Variants in TFEC observed in about 807,000 individuals in gnomAD.
The protein encoded by TFEC is transcription factor EC, also known as class E basic helix-loop-helix protein 34.
TFEC carries 31 observed loss-of-function variants against 41.6 expected under a neutral mutation model. The observed-to-expected ratio is 0.74, with a 90% CI of 0.56 to 1.01. The LOEUF (loss-of-function observed/expected upper bound fraction) is 1.01. Among genes scored for constraint, TFEC ranks in the 50% least tolerant of loss-of-function variants. The pLI is 0.00. For synonymous variants in TFEC, 143 were observed against 140.6 expected (o/e 1.02, Z -0.12); for missense variants, 402 against 404.1 (o/e 0.99, Z 0.04).
intron 2 of TFEC, among the ~76,000 whole-genome samples, 172 bp from the exon 3 acceptor site, chr7:115,974,428 A>G (rs1489737622): frequency 3.8e-5 from 2 of 52,902 alleles, no homozygotes; most frequent in African/African-American, 6.9e-5. Context: ...ATATATATAT[A>G]TATATATATA....
chr7:116,056,143 G>C (rs1796424490), intron 3 of TFEC, among the ~76,000 whole-genome samples: 1 of 151,946 alleles, frequency 6.6e-6, no homozygotes, highest in South Asian at 2.1e-4. Flanking sequence ...CAAGAGACTA[G>C]ACATCATCAA....
chr7:115,986,737 C>T (rs1793874097), intron 1 of TFEC, among the ~76,000 whole-genome samples: 1 of 121,680 alleles, frequency 8.2e-6, no homozygotes, highest in Admixed American at 1.1e-4. Context: ...TGAAGGGGAA[C>T]ATCACACACC....
In TFEC at chr7:116,080,976, A is replaced by AGTGTATGTATGT. The variant is rs1424213374; in HGVS notation, c.198+29731_198+29732insACATACATACAC. 9.7e-3 allele frequency among the ~76,000 whole-genome samples: 1,337 copies of AGTGTATGTATGT among 138,006 alleles called. 13 individuals carry two copies. Among genetic ancestry groups the AGTGTATGTATGT allele is most frequent in the African/African-American group, 0.034 (1,263 of 37,000 alleles). The allele number at this position is 138,006 out of a possible 152,430, so 90.5% of individuals were successfully genotyped here. A position where few individuals can be genotyped will look rare whatever the true frequency, so the allele number is the denominator to read the frequency against. On this transcript the variant is annotated intron_variant, in intron 3 of 8. Coordinates refer to the TFEC transcript ENST00000484212. The stretch of plus-strand genomic sequence containing the variant: ...ATCAACGAGTGGATAAAGAAAATGT[A>AGTGTATGTATGT]GTGTGTGTGTGTGTGTGTGTGTGTG...
Position 115,940,618 on chromosome 7 carries a change from G to A in TFEC, c.977C>T (p.Ser326Phe). The part of the protein sequence containing the change: ...FGTDPLLSAT[S>F]PAVSKESSRR... ...ACTGCTTTCTTTGGAAACTGCAGGG[G>A]AAGTGGCAGATAGCAGAGGATCTGT... Residue 326 changes from serine (S) to phenylalanine (F), a missense_variant, in exon 8 of 8, where the codon TCC becomes TTC. Ser to Phe is a radical substitution (Grantham distance 155). Coordinates refer to ENST00000265440, the MANE Select transcript of TFEC (RefSeq NM_012252.4). 1 of 1,613,474 alleles carries A rather than the reference G, an allele frequency of 6.2e-7. No homozygotes were observed. Among genetic ancestry groups the A allele is most frequent in the Non-Finnish European group, 8.5e-7 (1 of 1,179,618 alleles).
At chr7:116,087,759 A>AT (rs1797234105) in intron 3 of TFEC, among the ~76,000 whole-genome samples, 1 of 152,104 alleles carries the variant, frequency 6.6e-6, no homozygotes, top group Non-Finnish European at 1.5e-5. Flanking sequence ...CTATTAATGA[A>AT]AAAGGAAAAA....
At chr7:115,947,092 C>A (rs1195632135) in intron 6 of TFEC, among the ~76,000 whole-genome samples, 32 of 128,950 alleles carry the variant, frequency 2.5e-4, no homozygotes, top group African/African-American at 7.9e-4. Flanking sequence ...CACAACAGTC[C>A]CCAGAGTGTG....
intron 1 of TFEC, among the ~76,000 whole-genome samples, chr7:115,991,501 C>T (rs891173830): frequency 2.6e-5 from 4 of 151,914 alleles, no homozygotes; most frequent in Non-Finnish European, 5.9e-5. Context: ...TAGAGACACA[C>T]ATAGGCTCAA....
intron 3 of TFEC, among the ~76,000 whole-genome samples, chr7:115,964,715 TA>T (rs1191496690): frequency 6.6e-6 from 1 of 151,562 alleles, no homozygotes; most frequent in Non-Finnish European, 1.5e-5. Context: ...ACATCCTAAT[TA>T]ATTATTCCCA....
chr7:116,159,330 T>C (rs1258154058), intron 1 of TFEC, among the ~76,000 whole-genome samples: 1 of 151,964 alleles, frequency 6.6e-6, no homozygotes, highest in East Asian at 1.9e-4. Flanking sequence ...TGTCTTGTGT[T>C]TTTCTGAGAT....
At chr7:116,038,798 C>A (rs894349660) in intron 3 of TFEC, among the ~76,000 whole-genome samples, 1 of 152,038 alleles carries the variant, frequency 6.6e-6, no homozygotes, top group African/African-American at 2.4e-5. Context: ...GCTGGTGTAA[C>A]AAACAACTCC....
intron 2 of TFEC, among the ~76,000 whole-genome samples, chr7:115,983,553 T>C (rs1793720861): frequency 6.6e-6 from 1 of 152,168 alleles, no homozygotes; most frequent in African/African-American, 2.4e-5. Context: ...AGCTCAGTTA[T>C]TAATGTAGTT....
chr7:116,048,828 A>C lies in TFEC; in HGVS notation c.198+61880T>G, dbSNP rs530490342. ...CAGAAGAGAGTGGGGGCCAATATTC[A>C]ACATTCTTAAAGAAAAGAATTTTCA... On this transcript the variant is annotated intron_variant, in intron 3 of 8. Coordinates refer to the TFEC transcript ENST00000484212. 1.0e-3 allele frequency among the ~76,000 whole-genome samples: 159 copies of C among 152,386 alleles called. 1 individual carries two copies. The highest frequency in any genetic ancestry group is 3.7e-3 in the African/African-American group (154 of 41,590).
chr7:116,060,625 CT>C (rs752360500), intron 3 of TFEC, among the ~76,000 whole-genome samples: 3 of 152,104 alleles, frequency 2.0e-5, no homozygotes, highest in Non-Finnish European at 4.4e-5. Context: ...AAACCAAATA[CT>C]GTATGTTTTC....
intron 6 of TFEC, 48 bp from the exon 7 acceptor site, chr7:115,942,088 A>C: frequency 6.5e-7 from 1 of 1,530,998 alleles, no homozygotes; most frequent in East Asian, 2.3e-5. Context: ...TGTCAGCAGA[A>C]TTCATAAGAA....
intron 6 of TFEC, among the ~76,000 whole-genome samples, chr7:115,943,486 A>G (rs959968845): frequency 3.3e-5 from 5 of 152,006 alleles, no homozygotes; most frequent in Non-Finnish European, 7.4e-5. Flanking sequence ...TCAAAAACAA[A>G]CCTTCAAAAT....
chr7:116,015,946 C>G (rs1253948179), intron 1 of TFEC, among the ~76,000 whole-genome samples: 1 of 152,112 alleles, frequency 6.6e-6, no homozygotes, highest in African/African-American at 2.4e-5. Context: ...TTAGAAGCCA[C>G]TGCATCAGGG....
intron 3 of TFEC, among the ~76,000 whole-genome samples, chr7:116,050,551 C>T (rs1796284340): frequency 6.6e-6 from 1 of 152,200 alleles, no homozygotes; most frequent in African/African-American, 2.4e-5. Context: ...AAAAAGTGCT[C>T]ATCATCACTG....
intron 1 of TFEC, among the ~76,000 whole-genome samples, chr7:116,116,208 AAAG>A (rs1797984356): frequency 6.6e-6 from 1 of 151,990 alleles, no homozygotes; most frequent in Non-Finnish European, 1.5e-5. Context: ...AAAAAATGGA[AAAG>A]AAGAATAAAA....
chr7:116,012,987 T>C (rs1468606152), intron 1 of TFEC, among the ~76,000 whole-genome samples: 3 of 152,050 alleles, frequency 2.0e-5, no homozygotes, highest in Non-Finnish European at 1.5e-5. Flanking sequence ...AGTATTCTAG[T>C]CTAACCATTT....
Sources: allele counts gnomAD v4.1 joint callset (sites outside exome capture counted in the v4.1 genomes callset), GRCh38; gene constraint gnomAD v4.1.1; transcripts MANE v1.5; gene names NCBI Gene and HGNC (gene_info 2026-07-23, HGNC 2026-07-21).